The following L3MBTL4 variants were observed in gnomAD, a reference collection of about 807,000 sequenced individuals.
L3MBTL4 encodes L3MBTL histone methyl-lysine binding protein 4.
L3MBTL4 carries 70 observed loss-of-function variants against 84.5 expected under a neutral mutation model. The ratio of observed to expected loss-of-function variants is 0.83; its 90% CI spans 0.68 to 1.01. L3MBTL4 has a LOEUF of 1.01. Among genes scored for constraint, L3MBTL4 ranks in the 50% least tolerant of loss-of-function variants. The pLI is 0.00. For missense variants in L3MBTL4, 715 were observed against 754.8 expected (o/e 0.95, Z 0.62); for synonymous variants, 274 against 259.8 (o/e 1.05, Z -0.52).
intron 1 of L3MBTL4, among the ~76,000 whole-genome samples, chr18:6,361,057 T>A (rs1391373713): frequency 6.9e-6 from 1 of 145,110 alleles, no homozygotes; most frequent in Non-Finnish European, 1.5e-5. Flanking sequence ...GTAGGCAAAG[T>A]AAGTAATAAT....
At chr18:5,992,635 A>G (rs2053757216) in intron 16 of L3MBTL4, among the ~76,000 whole-genome samples, 1 of 152,190 alleles carries the variant, frequency 6.6e-6, no homozygotes, top group Admixed American at 6.5e-5. Flanking sequence ...GGCTTGGGCC[A>G]TCCCCTTGGT....
intron 13 of L3MBTL4, among the ~76,000 whole-genome samples, chr18:6,169,819 AAAGT>A: frequency 6.6e-6 from 1 of 151,064 alleles, no homozygotes. Context: ...CCTAAAACTT[AAAGT>A]ATAATAATAA....
intron 13 of L3MBTL4, among the ~76,000 whole-genome samples, chr18:6,144,787 C>A (rs28505286): frequency 5.3e-5 from 8 of 152,160 alleles, no homozygotes. Context: ...GAAGATGAGA[C>A]TGGTGCTGCT....
intron 6 of L3MBTL4, among the ~76,000 whole-genome samples, chr18:6,244,241 T>G (rs1842045700): frequency 6.6e-6 from 1 of 152,166 alleles, no homozygotes; most frequent in Non-Finnish European, 1.5e-5. Flanking sequence ...CAACCTCAAG[T>G]GAAAATTATT....
rs113399555 is a variant in L3MBTL4, at chr18:6,070,698, C to A, written c.1444+10183G>T. 3.9e-4 allele frequency among the ~76,000 whole-genome samples: 60 copies of A among 152,108 alleles called. 2 individuals carry two copies. Among genetic ancestry groups the A allele is most frequent in the African/African-American group, 1.4e-3 (60 of 41,512 alleles). ...ACAAAAAAAACAAAAATTAGCCGGG[C>A]ATGGTGGCACACACCTGTAGGCCCA... On this transcript the variant is annotated intron_variant, in intron 16 of 18. Coordinates refer to ENST00000317931, the MANE Select transcript of L3MBTL4 (RefSeq NM_001330559.2).
chr18:6,370,422 G>A (rs1427225378), intron 1 of L3MBTL4, among the ~76,000 whole-genome samples: 2 of 152,180 alleles, frequency 1.3e-5, no homozygotes, highest in Non-Finnish European at 2.9e-5. Context: ...GTTCCAGCAG[G>A]GGAGACACTG....
At chr18:6,103,686 A>C (rs1311146374) in intron 14 of L3MBTL4, among the ~76,000 whole-genome samples, 1 of 152,228 alleles carries the variant, frequency 6.6e-6, no homozygotes, top group Admixed American at 6.5e-5. Context: ...AATATGCATG[A>C]GAATATGTTT....
chr18:5,974,757 G>A (rs1282192317), intron 16 of L3MBTL4, among the ~76,000 whole-genome samples: 1 of 152,200 alleles, frequency 6.6e-6, no homozygotes, highest in East Asian at 1.9e-4. Flanking sequence ...TTGAGGCCAG[G>A]AGTTCAAGAC....
At chr18:6,018,675 T>G (rs2055110731) in intron 16 of L3MBTL4, among the ~76,000 whole-genome samples, 1 of 152,244 alleles carries the variant, frequency 6.6e-6, no homozygotes, top group Non-Finnish European at 1.5e-5. Context: ...TTGTTCTTCT[T>G]GTAAACAAAT....
At chr18:5,968,289 C>A (rs1010243193) in intron 17 of L3MBTL4, among the ~76,000 whole-genome samples, 5 of 152,232 alleles carry the variant, frequency 3.3e-5, no homozygotes, top group African/African-American at 9.6e-5. Context: ...AAAACAGTAT[C>A]TTTATCCAAA....
At chr18:5,982,047 G>A (rs1306610015) in intron 16 of L3MBTL4, among the ~76,000 whole-genome samples, 1 of 150,540 alleles carries the variant, frequency 6.6e-6, no homozygotes, top group Non-Finnish European at 1.5e-5. Context: ...CAAAACACTT[G>A]AAATGTTTAA....
chr18:6,251,476 T>C (rs2047920631), intron 5 of L3MBTL4, among the ~76,000 whole-genome samples: 1 of 152,212 alleles, frequency 6.6e-6, no homozygotes, highest in Non-Finnish European at 1.5e-5. Flanking sequence ...GATACTGTTT[T>C]AAGTACTTAC....
At chr18:6,154,079 G>T (rs1028737989) in intron 13 of L3MBTL4, among the ~76,000 whole-genome samples, 11 of 152,064 alleles carry the variant, frequency 7.2e-5, no homozygotes, top group African/African-American at 2.7e-4. Context: ...ACTATGGCTT[G>T]GATTTCCAAT....
intron 4 of L3MBTL4, among the ~76,000 whole-genome samples, chr18:6,269,233 G>A (rs1003374036): frequency 3.3e-5 from 5 of 152,036 alleles, no homozygotes; most frequent in African/African-American, 9.7e-5. Context: ...AGGCTGAGGC[G>A]GGCGGATCAC....
At chr18:5,968,239 C>T (rs2052450336) in intron 17 of L3MBTL4, among the ~76,000 whole-genome samples, 2 of 152,208 alleles carry the variant, frequency 1.3e-5, no homozygotes, top group Admixed American at 6.5e-5. Flanking sequence ...CCAGGGTTTT[C>T]CTTCACTTAA....
At chr18:6,148,494 C>A (rs113097054) in intron 13 of L3MBTL4, among the ~76,000 whole-genome samples, 1 of 152,120 alleles carries the variant, frequency 6.6e-6, no homozygotes, top group Admixed American at 6.5e-5. Context: ...GCTGCTATCA[C>A]GGTTCACTGC....
In L3MBTL4 at chr18:6,104,306, C is replaced by A. The variant is rs559804326; in HGVS notation, c.1200-10778G>T. On this transcript the variant is annotated intron_variant, in intron 14 of 18. Transcript: ENST00000317931. ...TCATTGCAGAATTATTCATAATAGA[C>A]AAGAGGTGGAAAGAATCTAAATGGC... 2.6e-5 allele frequency among the ~76,000 whole-genome samples: 4 copies of A among 152,056 alleles called. No individual in the cohort carries two copies. In the East Asian group the frequency reaches 7.7e-4, roughly 29 times the overall value.
chr18:6,182,392 T>C (rs1363986314), intron 12 of L3MBTL4, among the ~76,000 whole-genome samples: 1 of 152,190 alleles, frequency 6.6e-6, no homozygotes, highest in Non-Finnish European at 1.5e-5. Context: ...TGCCCACTTT[T>C]TAATGGGGTT....
At chr18:6,178,337 T>C (rs184714825) in intron 12 of L3MBTL4, among the ~76,000 whole-genome samples, 24 of 152,318 alleles carry the variant, frequency 1.6e-4, no homozygotes, top group African/African-American at 5.5e-4. Flanking sequence ...TCTGTGCCTA[T>C]GTAGAATACA....
Sources: gnomAD v4.1 joint callset for allele counts (sites outside exome capture counted in the v4.1 genomes callset) on GRCh38, gnomAD v4.1.1 for gene constraint, MANE v1.5 for transcripts, NCBI Gene and HGNC (gene_info 2026-07-23, HGNC 2026-07-21) for gene names.